Variants in TUSC3 observed in about 807,000 individuals in gnomAD.
TUSC3 encodes tumor suppressor candidate 3.
In TUSC3, 45 loss-of-function variants were observed where a neutral mutation model predicts 44.8. The observed-to-expected ratio is 1.00, with a 90% confidence interval of 0.79 to 1.29. The LOEUF is 1.29. Among genes scored for constraint, TUSC3 ranks in the 50% most tolerant of loss-of-function variants. TUSC3 has a pLI of 0.00. For missense variants in TUSC3, 519 were observed against 437.9 expected (o/e 1.19, Z -1.65); for synonymous variants, 212 against 152.9 (o/e 1.39, Z -2.85).
intron 6 of TUSC3, among the ~76,000 whole-genome samples, chr8:15,729,293 T>C (rs1810620179): frequency 6.6e-6 from 1 of 152,140 alleles, no homozygotes. Context: ...CCTCCTCTGT[T>C]TTGGTAAGTT....
intron 1 of TUSC3, among the ~76,000 whole-genome samples, chr8:15,564,149 T>C (rs7004382): frequency 0.037 from 5,633 of 152,202 alleles, 345 homozygotes; most frequent in African/African-American, 0.13. Flanking sequence ...AGATTTTTTT[T>C]CTAATTTTTG....
At chr8:15,663,695 A>G (rs925257881) in intron 5 of TUSC3, among the ~76,000 whole-genome samples, 1 of 151,906 alleles carries the variant, frequency 6.6e-6, no homozygotes, top group African/African-American at 2.4e-5. Context: ...CTTTTGATGA[A>G]TGAGTTAAAA....
chr8:15,582,065 C>G (rs528386643), intron 1 of TUSC3, among the ~76,000 whole-genome samples: 1 of 152,052 alleles, frequency 6.6e-6, no homozygotes, highest in Admixed American at 6.5e-5. Context: ...GGCAGTGACC[C>G]GATTTTCCAG....
At position 15,697,164 on chromosome 8, in the gene TUSC3, G is replaced by A. The variant is rs1809205133; in HGVS notation, c.798+23328G>A. Among the ~76,000 whole-genome samples, 3 of 151,982 alleles carry A rather than the reference G, an allele frequency of 2.0e-5. No individual in the cohort carries two copies. The South Asian group carries it at 6.2e-4, about 32-fold the overall frequency. ...TTCTTATTGAGCTTGTTTGGATTTT[G>A]TCTCTATTTTTCTTGGTTAATCTTG... On this transcript the variant is annotated intron_variant, in intron 6 of 10. Transcript: ENST00000503731.
rs373487983 is a variant in TUSC3 at position 15,628,877 on chromosome 8, A to T, written c.308+5628A>T. 2.0e-4 allele frequency among the ~76,000 whole-genome samples: 30 copies of T among 152,282 alleles called. 1 individual carries two copies. In the South Asian group the frequency reaches 6.2e-3, roughly 32 times the overall value. ...TGGTGTGAAGTGGATTAGGAGAATG[A>T]GTAGAAAGTGCGGGTGAGAGAATAT... On this transcript the variant is annotated intron_variant, in intron 2 of 10. Transcript: ENST00000503731.
intron 8 of TUSC3, among the ~76,000 whole-genome samples, chr8:15,745,664 T>TTTAAG (rs1328069188): frequency 1.3e-5 from 2 of 151,928 alleles, no homozygotes; most frequent in African/African-American, 4.8e-5. Context: ...TGCTTGTGGA[T>TTTAAG]TTAAGTTCCG....
chr8:15,518,967 G>A lies in TUSC3; in HGVS notation n.189+35484G>A, dbSNP rs545330515. Among the ~76,000 whole-genome samples the A allele has an allele frequency of 1.2e-4, 18 of 152,056 alleles. 1 individual carries two copies. In the South Asian group the frequency reaches 3.1e-3, roughly 26 times the overall value. ...GATTCTACAAGTCTAAACTAAAATC[G>A]AATCAATATATTAAATCTCTGTATG... On this transcript the variant is annotated intron_variant and non_coding_transcript_variant, in intron 2 of 5. Transcript: ENST00000503191.
intron 6 of TUSC3, among the ~76,000 whole-genome samples, chr8:15,687,674 G>C (rs139486418): frequency 1.3e-5 from 2 of 152,068 alleles, no homozygotes; most frequent in Non-Finnish European, 2.9e-5. Context: ...GCCTATCTAT[G>C]ATCCTGCCAA....
chr8:15,807,209 C>T, the TUSC3 span: 1 of 710,284 alleles, frequency 1.4e-6, no homozygotes. Flanking sequence ...TGCTGCGTAG[C>T]TCGTATCGCA....
chr8:15,761,344 A>C (rs2129224657), intron 10 of TUSC3, among the ~76,000 whole-genome samples: 1 of 152,288 alleles, frequency 6.6e-6, no homozygotes. Context: ...GTCTCTCTGC[A>C]TCCCTGATGG....
At chr8:15,610,518 A>G (rs940154373) in intron 1 of TUSC3, among the ~76,000 whole-genome samples, 6 of 142,954 alleles carry the variant, frequency 4.2e-5, no homozygotes, top group Non-Finnish European at 9.2e-5. Context: ...TGGAATATTA[A>G]TTTAACATCT....
chr8:15,787,502 T>C, the TUSC3 span, among the ~76,000 whole-genome samples: 1,383 of 152,276 alleles, frequency 9.1e-3, 23 homozygotes, highest in African/African-American at 0.032. Flanking sequence ...GTCAGGAAAA[T>C]ATATTATTTG....
At chr8:15,498,730 T>C (rs1363040415) in intron 2 of TUSC3, among the ~76,000 whole-genome samples, 1 of 152,180 alleles carries the variant, frequency 6.6e-6, no homozygotes, top group Non-Finnish European at 1.5e-5. Flanking sequence ...ATTCCAGTTT[T>C]GTTTGTTTCC....
chr8:15,643,290 A>G (rs1388682421), intron 2 of TUSC3, among the ~76,000 whole-genome samples: 1 of 152,220 alleles, frequency 6.6e-6, no homozygotes, highest in Non-Finnish European at 1.5e-5. Context: ...CAGCATGAGA[A>G]TGGACTAATA....
At chr8:15,591,178 T>C (rs1803822401) in intron 1 of TUSC3, among the ~76,000 whole-genome samples, 2 of 152,224 alleles carry the variant, frequency 1.3e-5, no homozygotes, top group Non-Finnish European at 2.9e-5. Context: ...TTGCCAAAAA[T>C]GAACAGATCA....
At chr8:15,663,302 T>A (rs952206966) in intron 5 of TUSC3, among the ~76,000 whole-genome samples, 9 of 112,060 alleles carry the variant, frequency 8.0e-5, no homozygotes, top group African/African-American at 2.1e-4. Flanking sequence ...GTCTGTAATA[T>A]AATAAAAATG....
rs1366191176 is a variant in TUSC3, at chr8:15,614,952, AC to A, written c.139-8126del. On this transcript the variant is annotated intron_variant, in intron 1 of 10. Transcript: ENST00000503731. ...AAAAAGACCAAAAAAAAAAAAAAAA[AC>A]CACCCCAAAATTCGGAAAAGGACGC... Among the ~76,000 whole-genome samples the A allele has an allele frequency of 3.1e-4, 43 of 137,636 alleles. 1 individual carries two copies. Among genetic ancestry groups the A allele is most frequent in the South Asian group, 6.8e-4 (3 of 4,394 alleles). The allele number at this position is 137,636 out of a possible 152,430, so 90.3% of individuals were successfully genotyped here. A position where few individuals can be genotyped will look rare whatever the true frequency, so the allele number is the denominator to read the frequency against.
At chr8:15,748,692 A>T (rs1162084134) in intron 9 of TUSC3, 2 of 670,030 alleles carry the variant, frequency 3.0e-6, no homozygotes, top group Non-Finnish European at 2.8e-6. Context: ...TTCTAGACAT[A>T]CATATTTTTA....
chr8:15,503,756 A>T (rs1801001717), intron 2 of TUSC3, among the ~76,000 whole-genome samples: 2 of 152,028 alleles, frequency 1.3e-5, no homozygotes, highest in South Asian at 2.1e-4. Context: ...TAATTCCGGC[A>T]CTTTGGGATC....
Sources: allele counts gnomAD v4.1 joint callset (sites outside exome capture counted in the v4.1 genomes callset), GRCh38; gene constraint gnomAD v4.1.1; transcripts MANE v1.5; gene names NCBI Gene and HGNC (gene_info 2026-07-23, HGNC 2026-07-21).